CHST13: variants seen among roughly 807,000 people sequenced by gnomAD.
The protein encoded by CHST13 is C4ST-3.
CHST13 carries 1 observed loss-of-function variant against 7.0 expected under a neutral mutation model. That is an observed-to-expected ratio of 0.14 (90% confidence interval 0.05 to 0.68). The LOEUF (loss-of-function observed/expected upper bound fraction) is 0.68, where lower values mean the gene tolerates loss of function less well. Ranked by LOEUF, CHST13 falls within the 30% of genes least tolerant of loss-of-function variation. The pLI, the probability that CHST13 is intolerant of heterozygous loss-of-function variation, is 0.82. For missense variants in CHST13, 572 were observed against 507.9 expected (o/e 1.13, Z -1.21); for synonymous variants, 257 against 240.9 (o/e 1.07, Z -0.62).
rs1367130318 is a variant in CHST13, at chr3:126,536,363, C to T, written c.180+10C>T. 1 of 1,609,798 alleles carries T rather than the reference C, an allele frequency of 6.2e-7. No homozygotes were observed. Among genetic ancestry groups the T allele is most frequent in the East Asian group, 2.2e-5 (1 of 44,842 alleles). ...CTATGACCTGGATCAGGTAGGTGGACAGACCCTCGACCCAGGCATGCCCCC... is the reference window on the plus strand; with the variant it reads ...CTATGACCTGGATCAGGTAGGTGGATAGACCCTCGACCCAGGCATGCCCCC... On this transcript the variant is annotated intron_variant, in intron 2 of 2. Transcript: ENST00000319340.
chr3:126,525,242 G>T (rs968001988), intron 1 of CHST13, among the ~76,000 whole-genome samples: 1 of 151,976 alleles, frequency 6.6e-6, no homozygotes, highest in Non-Finnish European at 1.5e-5. Context: ...GACTCAGTCC[G>T]CCTCCCCACC....
intron 1 of CHST13, among the ~76,000 whole-genome samples, chr3:126,528,842 C>T (rs181189534): frequency 4.5e-4 from 68 of 152,336 alleles, no homozygotes; most frequent in African/African-American, 1.6e-3. Flanking sequence ...CCAATGTGTC[C>T]TTCCCTTGGG....
intron 1 of CHST13, among the ~76,000 whole-genome samples, chr3:126,531,351 G>A (rs1348408719): frequency 6.6e-6 from 1 of 152,260 alleles, no homozygotes; most frequent in East Asian, 1.9e-4. Flanking sequence ...GTTTACTGGC[G>A]TGCCAGAAGT....
At chr3:126,524,532 T>G (rs1266091479) in intron 1 of CHST13, 103 bp downstream of exon 1, 1 of 386,766 alleles carries the variant, frequency 2.6e-6, no homozygotes, top group Non-Finnish European at 4.4e-6. Flanking sequence ...ACCTGTTGTC[T>G]CCTTCCTGGC....
At chr3:126,540,029 G>T (rs957297256) in intron 2 of CHST13, among the ~76,000 whole-genome samples, 6 of 123,696 alleles carry the variant, frequency 4.9e-5, no homozygotes, top group Non-Finnish European at 8.8e-5. Flanking sequence ...CCACACACAC[G>T]CACACCACAC....
Position 126,542,289 on chromosome 3 carries a change from A to C in CHST13, c.737A>C (p.His246Pro), listed in dbSNP as rs761411451. The change falls in exon 3 of 3, where the codon CAC (histidine) becomes CCC (proline). Residue 246 changes from histidine to proline, a missense_variant. By Grantham distance (77) the His-to-Pro change is moderately conservative. Coordinates refer to ENST00000319340, the MANE Select transcript of CHST13 (RefSeq NM_152889.3). ...CGGCGTGAGGAGCCCTTCAACGAGC[A>C]CTGGGAGCGCGCGCACGCGCTCTGC... ...RTRREEPFNE[H>P]WERAHALCHP... The C allele has an allele frequency of 6.4e-7, 1 of 1,566,480 alleles. No individual in the cohort carries two copies. The highest frequency in any genetic ancestry group is 8.6e-7 in the Non-Finnish European group (1 of 1,161,308).
At chr3:126,530,038 A>G (rs1240988425) in intron 1 of CHST13, among the ~76,000 whole-genome samples, 1 of 152,174 alleles carries the variant, frequency 6.6e-6, no homozygotes, top group East Asian at 1.9e-4. Context: ...TGGATGCCCC[A>G]GTGTGGCCCT....
intron 2 of CHST13, among the ~76,000 whole-genome samples, chr3:126,538,433 T>G (rs776989072): frequency 3.3e-5 from 5 of 152,216 alleles, no homozygotes; most frequent in Admixed American, 6.5e-5. Context: ...TCCCCTGATA[T>G]CGCCTCAGGC....
Position 126,542,407 on chromosome 3 carries a change from C to T in CHST13, c.855C>T (p.Asp285=). 6.4e-7 allele frequency: 1 copy of T among 1,554,422 alleles called. No individual in the cohort carries two copies. The highest frequency in any genetic ancestry group is 1.2e-5 in the South Asian group (1 of 84,180). Residue 285 remains aspartate, a synonymous_variant, in exon 3 of 3, where the codon GAC becomes GAT. Transcript: ENST00000319340. ...TGCTGGGCCTGGCGGGCGCATCCGA[C>T]CTGAGCTTCCCTGGGCCGCCGCGGC... ...AFVLGLAGAS[D]LSFPGPPRPR...
intron 2 of CHST13, among the ~76,000 whole-genome samples, chr3:126,540,775 G>A (rs536253937): frequency 1.1e-3 from 164 of 152,256 alleles, no homozygotes; most frequent in Middle Eastern, 6.8e-3. Flanking sequence ...TGGTTTTGAG[G>A]AACTGCCAAA....
rs1936999599 is a variant in CHST13 at position 126,542,760 on chromosome 3, C to G, written c.*182C>G. On this transcript the variant is annotated 3_prime_UTR_variant, in exon 3 of 3. Coordinates refer to ENST00000319340, the MANE Select transcript of CHST13 (RefSeq NM_152889.3). ...CTTGGGGGCAGCCCATCTCAGGTGG[C>G]CCTGCACGCGTGTGCCTGCCTCGGC... The G allele has an allele frequency of 9.9e-6, 9 of 910,618 alleles. No homozygotes were observed. The Admixed American group carries it at 3.8e-4, about 38-fold the overall frequency. 56.4% of individuals were successfully genotyped at this position (910,618 alleles called of 1,614,324 possible).
rs1353388807 is a variant in CHST13 at position 126,542,710 on chromosome 3, C to T, written c.*132C>T. On this transcript the variant is annotated 3_prime_UTR_variant, in exon 3 of 3. Coordinates refer to ENST00000319340, the MANE Select transcript of CHST13 (RefSeq NM_152889.3). ...TGCACTCACCTGGCCGCCGGGCCAGCGGGCGCAGGGCACACCTGGCCAGGC... is the reference window on the plus strand; with the variant it reads ...TGCACTCACCTGGCCGCCGGGCCAGTGGGCGCAGGGCACACCTGGCCAGGC... 10 of 1,298,174 alleles carry T rather than the reference C, an allele frequency of 7.7e-6. No individual in the cohort carries two copies. Among genetic ancestry groups the T allele is most frequent in the Non-Finnish European group, 8.9e-6 (9 of 1,010,534 alleles). The allele number at this position is 1,298,174 out of a possible 1,614,324, so 80.4% of individuals were successfully genotyped here.
At position 126,542,135 on chromosome 3, in the gene CHST13, G is replaced by C; in HGVS notation, c.583G>C (p.Ala195Pro). ...CAAGCTCGCGCGCCCCTACAGCGCC[G>C]CCTTCCAGAGGCGCTACGGTGCACG... ...RNKLARPYSA[A>P]FQRRYGARIV... Residue 195 changes from alanine (A) to proline (P), a missense_variant, in exon 3 of 3, where the codon GCC becomes CCC. Ala to Pro is a conservative substitution (Grantham distance 27, BLOSUM62 -1). Coordinates refer to ENST00000319340, the MANE Select transcript of CHST13 (RefSeq NM_152889.3). 1 of 1,564,940 alleles carries C rather than the reference G, an allele frequency of 6.4e-7. No homozygotes were observed. The highest frequency in any genetic ancestry group is 8.6e-7 in the Non-Finnish European group (1 of 1,160,486).
At chr3:126,524,656 G>A (rs905352781) in intron 1 of CHST13, among the ~76,000 whole-genome samples, 8 of 152,226 alleles carry the variant, frequency 5.3e-5, no homozygotes, top group African/African-American at 4.8e-5. Context: ...TCCCAGAGCG[G>A]TGACTGTTTT....
At chr3:126,536,519 T>G (rs1936794046) in intron 2 of CHST13, among the ~76,000 whole-genome samples, 166 bp downstream of exon 2, 1 of 152,094 alleles carries the variant, frequency 6.6e-6, no homozygotes, top group South Asian at 2.1e-4. Flanking sequence ...AGGGCAAATC[T>G]TGGGGGTAAG....
intron 1 of CHST13, chr3:126,529,284 C>T (rs1295013584): frequency 1.6e-6 from 2 of 1,278,008 alleles, no homozygotes; most frequent in African/African-American, 1.5e-5. Context: ...GTCCTGTGTG[C>T]AGCAATCGCA....
chr3:126,530,597 T>TGGCCC (rs1936637186), intron 1 of CHST13, among the ~76,000 whole-genome samples: 1 of 152,242 alleles, frequency 6.6e-6, no homozygotes, highest in African/African-American at 2.4e-5. Context: ...ATGGGTTGCC[T>TGGCCC]GGCCCTGCCC....
chr3:126,531,850 A>G (rs1237700015), intron 1 of CHST13, among the ~76,000 whole-genome samples: 1 of 152,210 alleles, frequency 6.6e-6, no homozygotes, highest in African/African-American at 2.4e-5. Context: ...GTTGCATGGT[A>G]ATTCTAAGCT....
intron 2 of CHST13, 119 bp from the exon 3 acceptor site, chr3:126,541,614 G>C: frequency 3.2e-6 from 3 of 942,410 alleles, no homozygotes; most frequent in Middle Eastern, 6.8e-4. Context: ...GTTCGAATTT[G>C]GGTGCCCGGC....
Sources: allele counts gnomAD v4.1 joint callset (sites outside exome capture counted in the v4.1 genomes callset), GRCh38; gene constraint gnomAD v4.1.1; transcripts MANE v1.5; gene names NCBI Gene and HGNC (gene_info 2026-07-23, HGNC 2026-07-21).